Variants in COL5A1 observed in about 807,000 individuals in gnomAD.
The protein encoded by COL5A1 is collagen alpha-1(V) chain.
Under a neutral mutation model 263.7 loss-of-function variants are expected in COL5A1, and 16 were observed. That is an observed-to-expected ratio of 0.06 (90% CI 0.04 to 0.09). COL5A1 has a LOEUF of 0.09. Among genes scored for constraint, COL5A1 ranks in the 10% least tolerant of loss-of-function variants. The probability of loss-of-function intolerance (pLI) is 1.00; values close to 1 mark genes in which losing one functional copy is unlikely to be tolerated. For synonymous variants in COL5A1, 1,012 were observed against 1,004.5 expected, an observed-to-expected ratio of 1.01 and a Z score of -0.14; for missense variants, 2,036 against 2,540.5, an observed-to-expected ratio of 0.80 and a Z score of 4.27.
At position 134,835,333 on chromosome 9, in the gene COL5A1, G is replaced by A. The variant is rs547796908; in HGVS notation, c.5370+129G>A. On this transcript the variant is annotated intron_variant, in intron 65 of 65. Coordinates refer to ENST00000371817, the MANE Select transcript of COL5A1 (RefSeq NM_000093.5). ...AGTGAGGGCCCCGGACCAGACTCTC[G>A]CCCCAGGCAGCCCCACAGTTGCAGG... is the stretch of plus-strand genomic sequence containing the variant. 5.4e-5 allele frequency: 41 copies of A among 752,744 alleles called. 1 individual carries two copies. The Middle Eastern group carries it at 1.1e-3, about 20-fold the overall frequency. The allele number at this position is 752,744 out of a possible 1,614,324, so 46.6% of individuals were successfully genotyped here. A position where few individuals can be genotyped will look rare whatever the true frequency, so the allele number is the denominator to read the frequency against.
chr9:134,808,966 G>A (rs1217561427), intron 42 of COL5A1: 1 of 611,076 alleles, frequency 1.6e-6, no homozygotes, highest in Non-Finnish European at 2.9e-6. Context: ...GGATGAGTGT[G>A]GATTAATTGA....
Position 134,768,475 on chromosome 9 carries a change from T to C in COL5A1, c.2286+12T>C. 1.2e-6 allele frequency: 2 copies of C among 1,613,714 alleles called. No homozygotes were observed. Among genetic ancestry groups the C allele is most frequent in the Non-Finnish European group, 1.7e-6 (2 of 1,179,750 alleles). The stretch of plus-strand genomic sequence containing the variant: ...CTGACGGACCCCCGGTGAGTAGCCC[T>C]GCCCACCTCATCCCTCCATACTCTC... On this transcript the variant is annotated intron_variant, in intron 25 of 65. Coordinates refer to ENST00000371817, the MANE Select transcript of COL5A1 (RefSeq NM_000093.5).
Position 134,798,521 on chromosome 9 carries a change from G to A in COL5A1, c.2952+60G>A, listed in dbSNP as rs2132811838. The A allele has an allele frequency of 2.0e-6, 3 of 1,535,906 alleles. No homozygotes were observed. The South Asian group carries it at 3.4e-5, about 17-fold the overall frequency. ...TGGCTCTCTGACCACCCTGCACGTG[G>A]GCACAGCCCTCGCTGCCCAGCGCCA... On this transcript the variant is annotated intron_variant, in intron 37 of 65. Coordinates refer to ENST00000371817, the MANE Select transcript of COL5A1 (RefSeq NM_000093.5).
rs535798474 is a variant in COL5A1 at position 134,823,134 on chromosome 9, C to T, written c.4644+101C>T. 4.2e-5 allele frequency: 58 copies of T among 1,367,238 alleles called. No homozygotes were observed. In the African/African-American group the frequency reaches 7.6e-4, roughly 18 times the overall value. 84.7% of individuals were successfully genotyped at this position (1,367,238 alleles called of 1,614,324 possible). ...AACTACCCAGACAACCGTCCTAGCTCAGGCCCTGCTGCTCACGATCCTCCC... is the reference window on the plus strand; with the variant it reads ...AACTACCCAGACAACCGTCCTAGCTTAGGCCCTGCTGCTCACGATCCTCCC... On this transcript the variant is annotated intron_variant, in intron 60 of 65. Transcript: ENST00000371817.
intron 37 of COL5A1, among the ~76,000 whole-genome samples, chr9:134,798,989 C>T (rs981311629): frequency 6.6e-6 from 1 of 152,226 alleles, no homozygotes; most frequent in Non-Finnish European, 1.5e-5. Context: ...CGGGCCCTTC[C>T]AGCTCCAATC....
intron 1 of COL5A1, among the ~76,000 whole-genome samples, chr9:134,661,295 C>T (rs1832196833): frequency 1.3e-5 from 2 of 151,690 alleles, no homozygotes; most frequent in Admixed American, 6.6e-5. Context: ...TGACATTAAT[C>T]TGGGCTCAGC....
At chr9:134,665,377 G>A (rs1588418100) in intron 1 of COL5A1, among the ~76,000 whole-genome samples, 1 of 152,196 alleles carries the variant, frequency 6.6e-6, no homozygotes, top group Non-Finnish European at 1.5e-5. Flanking sequence ...CAGCTAAGAA[G>A]ATGAAGTTTT....
intron 54 of COL5A1, 44 bp downstream of exon 54, chr9:134,817,875 C>A: frequency 2.5e-5 from 38 of 1,546,286 alleles, no homozygotes; most frequent in Non-Finnish European, 3.3e-5. Flanking sequence ...AGACCTCCCC[C>A]AGGGGAGCCC....
At chr9:134,645,676 A>G (rs1831452805) in intron 1 of COL5A1, among the ~76,000 whole-genome samples, 1 of 152,238 alleles carries the variant, frequency 6.6e-6, no homozygotes. Context: ...CCTAGGAGTC[A>G]GGGGGCAGGG....
At chr9:134,648,817 G>T (rs979047053) in intron 1 of COL5A1, among the ~76,000 whole-genome samples, 2 of 152,178 alleles carry the variant, frequency 1.3e-5, no homozygotes, top group African/African-American at 4.8e-5. Flanking sequence ...TCAGCGGATC[G>T]CTCGCTGCTC....
At chr9:134,823,540 CTGTG>C in intron 61 of COL5A1, 71 bp downstream of exon 61, 1 of 1,516,508 alleles carries the variant, frequency 6.6e-7, no homozygotes, top group South Asian at 1.1e-5. Context: ...GAGAAAGCAA[CTGTG>C]TGTGTGTGAC....
chr9:134,687,943 C>T (rs1200977109), intron 1 of COL5A1, among the ~76,000 whole-genome samples: 2 of 152,200 alleles, frequency 1.3e-5, no homozygotes, highest in Non-Finnish European at 2.9e-5. Flanking sequence ...CCCATGTCCA[C>T]CTGTCCCCAA....
chr9:134,670,434 C>A (rs1391669622), intron 1 of COL5A1, among the ~76,000 whole-genome samples: 1 of 152,194 alleles, frequency 6.6e-6, no homozygotes, highest in Non-Finnish European at 1.5e-5. Flanking sequence ...CCCAGGTGGA[C>A]CCCATGTCCG....
At chr9:134,748,146 C>T (rs1014781178) in intron 11 of COL5A1, among the ~76,000 whole-genome samples, 3 of 148,348 alleles carry the variant, frequency 2.0e-5, no homozygotes, top group Non-Finnish European at 4.5e-5. Context: ...CATACACATG[C>T]ATTCACACAT....
intron 63 of COL5A1, among the ~76,000 whole-genome samples, chr9:134,828,119 G>A (rs1032806504): frequency 2.0e-5 from 3 of 152,170 alleles, no homozygotes; most frequent in Non-Finnish European, 2.9e-5. Context: ...TCCACTCCAC[G>A]CCTGCAGCAA....
intron 31 of COL5A1, among the ~76,000 whole-genome samples, chr9:134,787,308 T>C (rs1356719586): frequency 6.6e-6 from 1 of 152,232 alleles, no homozygotes; most frequent in African/African-American, 2.4e-5. Context: ...GTTTCTGAAC[T>C]GAGCTCTGTG....
chr9:134,756,086 G>C (rs1185129200), intron 16 of COL5A1, among the ~76,000 whole-genome samples: 1 of 152,140 alleles, frequency 6.6e-6, no homozygotes, highest in Non-Finnish European at 1.5e-5. Flanking sequence ...CCCTTGCAGG[G>C]CTCTCCTGTG....
chr9:134,795,396 C>A, intron 34 of COL5A1, 81 bp downstream of exon 34: 8 of 1,131,664 alleles, frequency 7.1e-6, no homozygotes, highest in Non-Finnish European at 1.0e-5. Flanking sequence ...CTGAGGGTGT[C>A]TGTGACCTTT....
intron 28 of COL5A1, 27 bp downstream of exon 28, chr9:134,780,173 C>A (rs1441400566): frequency 1.2e-5 from 20 of 1,611,200 alleles, no homozygotes; most frequent in Non-Finnish European, 1.7e-5. Flanking sequence ...AGCCACGGGG[C>A]CCCCTGCTTA....
Sources: gnomAD v4.1 joint callset for allele counts (sites outside exome capture counted in the v4.1 genomes callset) on GRCh38, gnomAD v4.1.1 for gene constraint, MANE v1.5 for transcripts, NCBI Gene and HGNC (gene_info 2026-07-23, HGNC 2026-07-21) for gene names.